The following NUP155 variants were observed in gnomAD, a reference collection of about 807,000 sequenced individuals.
The protein encoded by NUP155 is nucleoporin 155, also known as nuclear pore complex protein Nup155.
In NUP155, 71 loss-of-function variants were observed where a neutral mutation model predicts 180.4. The ratio of observed to expected loss-of-function variants is 0.39; its 90% CI spans 0.33 to 0.48. The LOEUF (loss-of-function observed/expected upper bound fraction) is 0.48, where lower values mean the gene tolerates loss of function less well. Among genes scored for constraint, NUP155 ranks in the 20% least tolerant of loss-of-function variants. The pLI, the probability that NUP155 is intolerant of heterozygous loss-of-function variation, is 0.91. For synonymous variants in NUP155, 582 were observed against 559.5 expected, an observed-to-expected ratio of 1.04 and a Z score of -0.57; for missense variants, 1,553 against 1,648.9, an observed-to-expected ratio of 0.94 and a Z score of 1.01.
At chr5:37,348,204 T>C (rs1746227505) in intron 9 of NUP155, among the ~76,000 whole-genome samples, 1 of 152,050 alleles carries the variant, frequency 6.6e-6, no homozygotes, top group African/African-American at 2.4e-5. Context: ...CTAGGGAGCC[T>C]GTGGCAGGAG....
Position 37,325,768 on chromosome 5 carries a change from C to CAAA in NUP155, c.2091+130_2091+132dup, listed in dbSNP as rs58741619. 2,165 of 359,552 alleles carry CAAA rather than the reference C, an allele frequency of 6.0e-3. 14 individuals are homozygous for CAAA. The highest frequency in any genetic ancestry group is 0.023 in the African/African-American group (558 of 24,274). The allele number at this position is 359,552 out of a possible 1,614,324, so 22.3% of individuals were successfully genotyped here. On this transcript the variant is annotated intron_variant, in intron 19 of 34. Transcript: ENST00000231498. ...TGGGAGACAGAGCAGGACTCTGTCT[C>CAAA]AAAAAAAAAAAAAAAAAAAAAAATA...
chr5:37,370,351 G>C (rs1350101647), intron 1 of NUP155, among the ~76,000 whole-genome samples: 1 of 152,218 alleles, frequency 6.6e-6, no homozygotes, highest in Non-Finnish European at 1.5e-5. Context: ...CAGCCTGGGC[G>C]AAGAGGGAAC....
In NUP155 at chr5:37,363,392, C is replaced by A. The variant is rs140428724; in HGVS notation, c.392+496G>T. The stretch of plus-strand genomic sequence containing the variant: ...ATCTCTAAAAAGTCAACAGGGAGAT[C>A]ACCAGACCAACATGCTGTATTTAAG... On this transcript the variant is annotated intron_variant, in intron 3 of 34. Transcript: ENST00000231498. Among the ~76,000 whole-genome samples the A allele has an allele frequency of 4.9e-4, 74 of 152,272 alleles. 1 individual carries two copies. The East Asian group carries it at 0.013, about 27-fold the overall frequency.
At chr5:37,325,182 A>G (rs1202721060) in intron 19 of NUP155, among the ~76,000 whole-genome samples, 1 of 151,904 alleles carries the variant, frequency 6.6e-6, no homozygotes, top group African/African-American at 2.4e-5. Context: ...AAGAGCAAAA[A>G]GCAGTCTGTA....
chr5:37,368,637 C>G (rs973781166), intron 1 of NUP155, among the ~76,000 whole-genome samples: 1 of 151,860 alleles, frequency 6.6e-6, no homozygotes, highest in African/African-American at 2.4e-5. Context: ...CTGGCCAACA[C>G]GGTGAAACCC....
chr5:37,320,705 T>C (rs2150957657), intron 20 of NUP155, among the ~76,000 whole-genome samples: 1 of 152,194 alleles, frequency 6.6e-6, no homozygotes, highest in South Asian at 2.1e-4. Flanking sequence ...AATTTACATA[T>C]AATTGCAGAT....
At chr5:37,324,889 C>T (rs1365941922) in intron 19 of NUP155, among the ~76,000 whole-genome samples, 1 of 152,116 alleles carries the variant, frequency 6.6e-6, no homozygotes, top group African/African-American at 2.4e-5. Context: ...GGCGTGGTGG[C>T]TCACGCCTGT....
At chr5:37,351,651 G>A (rs564266234) in intron 5 of NUP155, among the ~76,000 whole-genome samples, 6 of 151,638 alleles carry the variant, frequency 4.0e-5, no homozygotes, top group South Asian at 2.1e-4. Context: ...AGGTTTCACC[G>A]TGTTAGCCAG....
chr5:37,309,301 A>G (rs1329930617), intron 23 of NUP155, 34 bp from the exon 24 acceptor site: 2 of 1,583,196 alleles, frequency 1.3e-6, no homozygotes, highest in African/African-American at 2.7e-5. Flanking sequence ...TTAAAAATAT[A>G]TAAAATCAAG....
intron 3 of NUP155, among the ~76,000 whole-genome samples, chr5:37,359,519 C>G (rs1747062091): frequency 6.6e-6 from 1 of 152,108 alleles, no homozygotes; most frequent in Non-Finnish European, 1.5e-5. Context: ...AGTACAACAA[C>G]AGAACCCAAA....
intron 4 of NUP155, among the ~76,000 whole-genome samples, chr5:37,354,984 C>T (rs536693443): frequency 2.2e-3 from 327 of 151,624 alleles, no homozygotes; most frequent in African/African-American, 7.4e-3. Context: ...CCCAGCTACT[C>T]GGGAGGCTGA....
intron 4 of NUP155, among the ~76,000 whole-genome samples, chr5:37,354,295 T>C (rs1581204186): frequency 6.6e-6 from 1 of 151,782 alleles, no homozygotes; most frequent in Non-Finnish European, 1.5e-5. Flanking sequence ...TACAGGCATA[T>C]GGCACCATGC....
intron 16 of NUP155, among the ~76,000 whole-genome samples, chr5:37,328,800 T>C (rs563374127): frequency 6.6e-6 from 1 of 152,322 alleles, no homozygotes; most frequent in South Asian, 2.1e-4. Flanking sequence ...CCATTGTGCC[T>C]GGCCACAGAA....
At position 37,307,407 on chromosome 5, in the gene NUP155, T is replaced by C. The variant is rs753853325; in HGVS notation, c.2793A>G (p.Glu931=). Residue 931 remains glutamate, a synonymous_variant, in exon 25 of 35, where the codon GAA becomes GAG. Coordinates refer to ENST00000231498, the MANE Select transcript of NUP155 (RefSeq NM_153485.3). ...TTTTCTCTGCAGCCGTAAGAGAAAGTTCCACCACACCCTCATAAAATCTCA... is the reference window on the plus strand; with the variant it reads ...TTTTCTCTGCAGCCGTAAGAGAAAGCTCCACCACACCCTCATAAAATCTCA... ...RQVRFYEGVV[E]LSLTAAEKKD... The C allele has an allele frequency of 3.7e-6, 6 of 1,613,908 alleles. No individual in the cohort carries two copies. The highest frequency in any genetic ancestry group is 5.1e-6 in the Non-Finnish European group (6 of 1,179,898).
chr5:37,342,425 A>G, intron 10 of NUP155, 124 bp downstream of exon 10: 4 of 648,442 alleles, frequency 6.2e-6, no homozygotes, highest in Non-Finnish European at 8.2e-6. Flanking sequence ...TTATTTTACA[A>G]ACTATTTATA....
In NUP155 at chr5:37,290,996, A is replaced by G. The variant is rs951050046; in HGVS notation, c.*904T>C. The G allele has an allele frequency of 3.3e-5, 5 of 152,224 alleles. No homozygotes were observed. Among genetic ancestry groups the G allele is most frequent in the Admixed American group, 3.3e-4 (5 of 15,274 alleles). 9.4% of individuals were successfully genotyped at this position (152,224 alleles called of 1,614,324 possible). ...CAAGCAGCCAGGTAGACACTAAGGG[A>G]AAACAGTACCTCCCTGTGTAGGTTT... On this transcript the variant is annotated 3_prime_UTR_variant, in exon 35 of 35. Coordinates refer to ENST00000231498, the MANE Select transcript of NUP155 (RefSeq NM_153485.3).
intron 6 of NUP155, among the ~76,000 whole-genome samples, chr5:37,350,818 TTA>T (rs1491206754): frequency 1.5e-5 from 2 of 132,340 alleles, no homozygotes; most frequent in African/African-American, 6.4e-5. Flanking sequence ...TCCATCACAT[TTA>T]AAAAAAAAAA....
At chr5:37,353,590 T>A (rs1424655554) in intron 4 of NUP155, among the ~76,000 whole-genome samples, 2 of 151,200 alleles carry the variant, frequency 1.3e-5, no homozygotes, top group Non-Finnish European at 2.9e-5. Flanking sequence ...TCAAAAAAAA[T>A]AAAAAAATAA....
intron 22 of NUP155, among the ~76,000 whole-genome samples, chr5:37,312,536 T>C (rs1182727582): frequency 6.6e-6 from 1 of 152,186 alleles, no homozygotes; most frequent in Non-Finnish European, 1.5e-5. Context: ...CCCCTTAAAC[T>C]GTTTAGATCC....
Sources: allele counts gnomAD v4.1 joint callset (sites outside exome capture counted in the v4.1 genomes callset), GRCh38; gene constraint gnomAD v4.1.1; transcripts MANE v1.5; gene names NCBI Gene and HGNC (gene_info 2026-07-23, HGNC 2026-07-21).